The following DPYD variants were observed in gnomAD, a reference collection of about 807,000 sequenced individuals.
DPYD encodes dihydropyrimidine dehydrogenase, also known as dihydropyrimidine dehydrogenase [NADP(+)].
A neutral mutation model predicts 116.2 loss-of-function variants in DPYD; 109 were observed. The ratio of observed to expected loss-of-function variants is 0.94; its 90% CI spans 0.80 to 1.10. The LOEUF is 1.10. Among genes scored for constraint, DPYD ranks in the 50% least tolerant of loss-of-function variants. The pLI, the probability that DPYD is intolerant of heterozygous loss-of-function variation, is 0.00. For synonymous variants in DPYD, 440 were observed against 432.0 expected, an observed-to-expected ratio of 1.02 and a Z score of -0.23; for missense variants, 1,302 against 1,254.5, an observed-to-expected ratio of 1.04 and a Z score of -0.57.
intron 5 of DPYD, among the ~76,000 whole-genome samples, chr1:97,714,655 C>CAAAAAAAAAAAAAAAAAAAAAA (rs1193831747): frequency 6.0e-5 from 3 of 49,926 alleles, no homozygotes; most frequent in Non-Finnish European, 1.3e-4. Context: ...AAAGAAAAGA[C>CAAAAAAAAAAAAAAAAAAAAAA]AAAAAAAAAA....
chr1:97,262,057 A>G (rs188644813), intron 18 of DPYD, among the ~76,000 whole-genome samples: 1 of 151,984 alleles, frequency 6.6e-6, no homozygotes, highest in Admixed American at 6.6e-5. Flanking sequence ...GCACTCCTAG[A>G]CCATCCTCAA....
At chr1:97,460,960 C>A (rs1396908625) in intron 13 of DPYD, among the ~76,000 whole-genome samples, 1 of 151,726 alleles carries the variant, frequency 6.6e-6, no homozygotes, top group South Asian at 2.1e-4. Context: ...TCACTTGAAC[C>A]CGGGGGGTGG....
intron 10 of DPYD, chr1:97,585,779 G>T (rs1222661151): frequency 6.6e-6 from 1 of 151,992 alleles, no homozygotes; most frequent in Non-Finnish European, 1.5e-5. Context: ...AATGAAGAGG[G>T]GCTTCTAATG....
chr1:97,844,682 C>T (rs991933152), intron 2 of DPYD, among the ~76,000 whole-genome samples: 2 of 152,138 alleles, frequency 1.3e-5, no homozygotes, highest in Non-Finnish European at 2.9e-5. Flanking sequence ...CAGCAGGAGC[C>T]AGGTACAGGT....
At chr1:97,557,567 C>T (rs1483539582) in intron 11 of DPYD, among the ~76,000 whole-genome samples, 1 of 152,046 alleles carries the variant, frequency 6.6e-6, no homozygotes, top group African/African-American at 2.4e-5. Flanking sequence ...TTACCAGCCT[C>T]GGCCTCCCAA....
chr1:97,097,109 G>A (rs1386290091), intron 21 of DPYD, among the ~76,000 whole-genome samples: 1 of 152,150 alleles, frequency 6.6e-6, no homozygotes, highest in Non-Finnish European at 1.5e-5. Context: ...CATACTTTTA[G>A]TGGCACAAAA....
At chr1:97,898,671 C>A (rs1673203700) in intron 1 of DPYD, among the ~76,000 whole-genome samples, 1 of 151,892 alleles carries the variant, frequency 6.6e-6, no homozygotes, top group South Asian at 2.1e-4. Context: ...TGTCCCCAAC[C>A]AAACCCACCT....
At chr1:97,258,987 G>T (rs985050551) in intron 18 of DPYD, among the ~76,000 whole-genome samples, 1 of 152,130 alleles carries the variant, frequency 6.6e-6, no homozygotes, top group African/African-American at 2.4e-5. Context: ...AGGGTCAACA[G>T]TGTCAAGAGG....
chr1:97,240,067 T>G (rs1248354563), intron 18 of DPYD, among the ~76,000 whole-genome samples: 1 of 152,014 alleles, frequency 6.6e-6, no homozygotes, highest in East Asian at 1.9e-4. Context: ...GACAAAAGCA[T>G]GATGCCTATG....
chr1:97,525,761 A>AGAGAGAGAGAGG, intron 12 of DPYD, among the ~76,000 whole-genome samples: 1 of 133,406 alleles, frequency 7.5e-6, no homozygotes, highest in Non-Finnish European at 1.6e-5. Flanking sequence ...GGGTAATTAG[A>AGAGAGAGAGAGG]GAGAGAGAGA....
At chr1:97,498,744 T>A (rs1028173203) in intron 13 of DPYD, among the ~76,000 whole-genome samples, 1 of 151,722 alleles carries the variant, frequency 6.6e-6, no homozygotes, top group Admixed American at 6.6e-5. Flanking sequence ...AAGATTAAAT[T>A]AAACCATTTA....
intron 13 of DPYD, among the ~76,000 whole-genome samples, chr1:97,471,380 ATGT>A (rs764914967): frequency 6.6e-6 from 1 of 152,182 alleles, no homozygotes; most frequent in South Asian, 2.1e-4. Flanking sequence ...ATCCAAAAAG[ATGT>A]TGTGATGGAC....
intron 14 of DPYD, among the ~76,000 whole-genome samples, chr1:97,398,432 C>G: frequency 6.6e-6 from 1 of 152,074 alleles, no homozygotes; most frequent in Non-Finnish European, 1.5e-5. Context: ...TTTATAGCAG[C>G]ATGATTTATA....
At chr1:97,360,475 C>T (rs1398184719) in intron 16 of DPYD, among the ~76,000 whole-genome samples, 3 of 152,178 alleles carry the variant, frequency 2.0e-5, no homozygotes, top group African/African-American at 7.2e-5. Flanking sequence ...CTACAGAACT[C>T]TCCACCCCAA....
chr1:97,401,985 G>A (rs1673403624), intron 14 of DPYD, among the ~76,000 whole-genome samples: 1 of 151,994 alleles, frequency 6.6e-6, no homozygotes, highest in Non-Finnish European at 1.5e-5. Context: ...TGATCTATTT[G>A]TCTATTCTTT....
At chr1:97,782,971 T>C (rs764953439) in intron 3 of DPYD, among the ~76,000 whole-genome samples, 3 of 152,138 alleles carry the variant, frequency 2.0e-5, no homozygotes, top group South Asian at 4.1e-4. Context: ...TGCAATACTG[T>C]GGTGGGCACT....
intron 20 of DPYD, among the ~76,000 whole-genome samples, chr1:97,158,400 G>T (rs1655642880): frequency 6.7e-6 from 1 of 148,796 alleles, no homozygotes; most frequent in Non-Finnish European, 1.5e-5. Context: ...TATGATAGAT[G>T]ATTTTTGAAG....
At chr1:97,404,051 T>C (rs1292823345) in intron 14 of DPYD, among the ~76,000 whole-genome samples, 1 of 152,042 alleles carries the variant, frequency 6.6e-6, no homozygotes, top group Non-Finnish European at 1.5e-5. Flanking sequence ...TTTTGGCCCA[T>C]GTGTTATTTA....
intron 18 of DPYD, among the ~76,000 whole-genome samples, chr1:97,274,602 A>C (rs996783689): frequency 6.6e-6 from 1 of 152,210 alleles, no homozygotes; most frequent in Non-Finnish European, 1.5e-5. Context: ...ACAAAATAAT[A>C]TGAACCAAAG....
Sources: allele counts gnomAD v4.1 joint callset (sites outside exome capture counted in the v4.1 genomes callset), GRCh38; gene constraint gnomAD v4.1.1; transcripts MANE v1.5; gene names NCBI Gene and HGNC (gene_info 2026-07-23, HGNC 2026-07-21).